NBPF6: variants seen among roughly 807,000 people sequenced by gnomAD.
NBPF6 encodes NBPF member 6.
NBPF6 carries 2 observed loss-of-function variants against 20.8 expected under a neutral mutation model. That is an observed-to-expected ratio of 0.10 (90% CI 0.04 to 0.30). NBPF6 has a LOEUF of 0.30. NBPF6 is among the 10% of genes least tolerant of loss of function. NBPF6 has a pLI of 1.00. For synonymous variants in NBPF6, 24 were observed against 100.0 expected (o/e 0.24, Z 4.53); for missense variants, 85 against 260.3 (o/e 0.33, Z 4.63).
upstream of NBPF6, among the ~76,000 whole-genome samples, chr1:108,449,416 C>CTATA (rs1165819915): frequency 3.1e-3 from 27 of 8,834 alleles, 1 homozygote; most frequent in Non-Finnish European, 3.2e-3. Context: ...GTTAGAACAA[C>CTATA]TATATATATA....
chr1:108,437,901 G>A, the NBPF6 span, among the ~76,000 whole-genome samples: 1 of 46,520 alleles, frequency 2.1e-5, no homozygotes, highest in Admixed American at 1.9e-4. Context: ...AAGGAAGGAA[G>A]GAAGAGACCC....
chr1:108,452,075 C>T, intron 2 of NBPF6, 115 bp from the exon 3 acceptor site: 2 of 128,156 alleles, frequency 1.6e-5, no homozygotes, highest in South Asian at 1.4e-4. Flanking sequence ...TGCCTGGAGC[C>T]TGGTACTGGA....
chr1:108,436,739 T>C, the NBPF6 span, among the ~76,000 whole-genome samples: 1 of 92,260 alleles, frequency 1.1e-5, no homozygotes, highest in Non-Finnish European at 2.6e-5. Flanking sequence ...AAAATGTATA[T>C]ACTTTCAACA....
At chr1:108,426,426 A>AAAATAAAT in the NBPF6 span, among the ~76,000 whole-genome samples, 20,353 of 83,768 alleles carry the variant, frequency 0.24, 963 homozygotes, top group Non-Finnish European at 0.3. Context: ...TGTCTCTTTA[A>AAAATAAAT]AAATAAATAA....
At chr1:108,436,457 A>G in the NBPF6 span, among the ~76,000 whole-genome samples, 2 of 92,494 alleles carry the variant, frequency 2.2e-5, no homozygotes, top group Admixed American at 1.1e-4. Flanking sequence ...CTAAAAGCAC[A>G]AAAACTTAGC....
upstream of NBPF6, among the ~76,000 whole-genome samples, chr1:108,448,100 T>C (rs1431768191): frequency 1.4e-5 from 2 of 141,350 alleles, 1 homozygote; most frequent in Non-Finnish European, 3.1e-5. Context: ...CAGCGTGTGA[T>C]GAGTGTGACC....
intron 14 of NBPF6, among the ~76,000 whole-genome samples, chr1:108,469,940 C>A: frequency 7.9e-6 from 1 of 126,166 alleles, no homozygotes; most frequent in African/African-American, 3.1e-5. Flanking sequence ...CTGTTGAGAC[C>A]TCCAGATTGG....
chr1:108,437,799 G>A, the NBPF6 span, among the ~76,000 whole-genome samples: 2 of 32,786 alleles, frequency 6.1e-5, 1 homozygote, highest in African/African-American at 1.5e-4. Flanking sequence ...AGGGAGGGAG[G>A]GGAGGGGAGG....
chr1:108,468,058 A>C (rs2257484), intron 14 of NBPF6, among the ~76,000 whole-genome samples: 2 of 151,040 alleles, frequency 1.3e-5, no homozygotes, highest in Non-Finnish European at 3.0e-5. Flanking sequence ...TTGTGTAGAA[A>C]TCATTGCTTT....
In NBPF6 at chr1:108,465,332, A is replaced by G; in HGVS notation, c.1568A>G (p.His523Arg). ...CGACTACAGCTGGATCAAGGGTTCC[A>G]CTGTGGGAACGGCTTGGCCCAGCGG... Reference protein sequence around the residue: ...CLRLQLDQGFHCGNGLAQRGL... With the variant: ...CLRLQLDQGFRCGNGLAQRGL... Residue 523 changes from histidine to arginine, a missense_variant, in exon 13 of 15, where the codon CAC becomes CGC. His to Arg is a conservative substitution (Grantham distance 29). Coordinates refer to ENST00000495380, the MANE Select transcript of NBPF6 (RefSeq NM_001143988.2). 9.0e-7 allele frequency: 1 copy of G among 1,106,342 alleles called. No individual in the cohort carries two copies. Among genetic ancestry groups the G allele is most frequent in the East Asian group, 3.2e-5 (1 of 31,444 alleles). The allele number at this position is 1,106,342 out of a possible 1,614,324, so 68.5% of individuals were successfully genotyped here.
rs1242367470 is a variant in NBPF6 at position 108,471,882 on chromosome 1, T to C, written c.*1244T>C. On this transcript the variant is annotated 3_prime_UTR_variant, in exon 15 of 15. Coordinates refer to ENST00000495380, the MANE Select transcript of NBPF6 (RefSeq NM_001143988.2). ...TGGTTTTCATGGATAAGAATATAGATTAATAAAAACATTCTTATTTACCTG... is the reference window on the plus strand; with the variant it reads ...TGGTTTTCATGGATAAGAATATAGACTAATAAAAACATTCTTATTTACCTG... 3.9e-5 allele frequency among the ~76,000 whole-genome samples: 6 copies of C among 152,220 alleles called. No homozygotes were observed. The highest frequency in any genetic ancestry group is 1.4e-4 in the African/African-American group (6 of 41,436).
rs1211984223 is a variant in NBPF6 at position 108,471,723 on chromosome 1, T to A, written c.*1085T>A. ...AACATTCCCTGCCCAAAGTTTGACTTTCATCCAAAATTAATTTTAGTCCAT... is the reference window on the plus strand; with the variant it reads ...AACATTCCCTGCCCAAAGTTTGACTATCATCCAAAATTAATTTTAGTCCAT... On this transcript the variant is annotated 3_prime_UTR_variant, in exon 15 of 15. Coordinates refer to ENST00000495380, the MANE Select transcript of NBPF6 (RefSeq NM_001143988.2). 6.6e-6 allele frequency among the ~76,000 whole-genome samples: 1 copy of A among 152,212 alleles called. No individual in the cohort carries two copies. The highest frequency in any genetic ancestry group is 6.5e-5 in the Admixed American group (1 of 15,280).
upstream of NBPF6, among the ~76,000 whole-genome samples, chr1:108,449,416 C>A (rs1276869290): frequency 2.4e-3 from 21 of 8,838 alleles, 1 homozygote; most frequent in Admixed American, 6.6e-3. Context: ...GTTAGAACAA[C>A]TATATATATA....
chr1:108,448,399 T>G (rs573819679), upstream of NBPF6, among the ~76,000 whole-genome samples: 1 of 149,502 alleles, frequency 6.7e-6, no homozygotes, highest in South Asian at 2.1e-4. Context: ...CTCATATTTC[T>G]CTTGTATATT....
chr1:108,470,694 G>T lies in NBPF6; in HGVS notation c.*56G>T, dbSNP rs889989936. The T allele has an allele frequency of 4.4e-6, 6 of 1,376,838 alleles. No homozygotes were observed. Among genetic ancestry groups the T allele is most frequent in the Non-Finnish European group, 6.0e-6 (6 of 998,510 alleles). 85.3% of individuals were successfully genotyped at this position (1,376,838 alleles called of 1,614,324 possible). ...TGATAAAAACAACTAAAACAGCAAA[G>T]CAAGTTTAAGTCCAAACACAATACT... On this transcript the variant is annotated 3_prime_UTR_variant, in exon 15 of 15. Coordinates refer to ENST00000495380, the MANE Select transcript of NBPF6 (RefSeq NM_001143988.2).
the NBPF6 span, among the ~76,000 whole-genome samples, chr1:108,437,764 AAGGG>A: frequency 0.025 from 830 of 32,888 alleles, 28 homozygotes; most frequent in African/African-American, 0.074. Flanking sequence ...GGAAGGAAGG[AAGGG>A]AGGGAGGGAG....
chr1:108,467,732 C>A (rs1428859811), intron 14 of NBPF6, 67 bp downstream of exon 14: 1 of 1,534,926 alleles, frequency 6.5e-7, no homozygotes, highest in Admixed American at 2.0e-5. Flanking sequence ...ACAGCTCATT[C>A]TCTCACTGCT....
rs2439476 is a variant in NBPF6, at chr1:108,452,866, G to A, written c.279-315G>A. Among the ~76,000 whole-genome samples, 121 of 71,168 alleles carry A rather than the reference G, an allele frequency of 1.7e-3. 31 individuals carry two copies. The highest frequency in any genetic ancestry group is 3.8e-3 in the African/African-American group (75 of 19,600). The allele number at this position is 71,168 out of a possible 152,430, so 46.7% of individuals were successfully genotyped here. ...CCTTGTGGAACTGATTTAGGAAGAC[G>A]CTAACTTTTGTTTACAGAAGAAAAA... On this transcript the variant is annotated intron_variant, in intron 3 of 14. Transcript: ENST00000495380.
At chr1:108,459,438 T>C (rs1005098118) in intron 9 of NBPF6, among the ~76,000 whole-genome samples, 5 of 149,998 alleles carry the variant, frequency 3.3e-5, no homozygotes, top group Middle Eastern at 3.2e-3. Context: ...AGCACAGTGG[T>C]GAGCATTTCA....
Sources: allele counts gnomAD v4.1 joint callset (sites outside exome capture counted in the v4.1 genomes callset), GRCh38; gene constraint gnomAD v4.1.1; transcripts MANE v1.5; gene names NCBI Gene and HGNC (gene_info 2026-07-23, HGNC 2026-07-21).